Variants in OVOL2 observed in about 807,000 individuals in gnomAD.
The protein encoded by OVOL2 is transcription factor Ovo-like 2.
In OVOL2, 13 loss-of-function variants were observed where a neutral mutation model predicts 18.1. The ratio of observed to expected loss-of-function variants is 0.72; its 90% CI spans 0.47 to 1.14. The LOEUF is 1.14. OVOL2 is among the 50% of genes most tolerant of loss of function. The probability of loss-of-function intolerance (pLI) is 0.00; values close to 1 mark genes in which losing one functional copy is unlikely to be tolerated. For missense variants in OVOL2, 335 were observed against 383.0 expected (o/e 0.87, Z 1.05); for synonymous variants, 166 against 162.7 (o/e 1.02, Z -0.16).
At chr20:18,026,329 A>G (rs1288854417) in intron 3 of OVOL2, among the ~76,000 whole-genome samples, 2 of 151,904 alleles carry the variant, frequency 1.3e-5, no homozygotes, top group African/African-American at 4.8e-5. Flanking sequence ...GAAAATCTTA[A>G]CTCACTTCTC....
At chr20:18,041,479 G>A in intron 3 of OVOL2, 55 bp downstream of exon 3, 6 of 1,560,750 alleles carry the variant, frequency 3.8e-6, no homozygotes, top group Middle Eastern at 3.4e-4. Flanking sequence ...GAAAGAAACA[G>A]GAGCTCTTGG....
In OVOL2 at chr20:18,056,012, A is replaced by AC. The variant is rs149382083; in HGVS notation, c.321+644dup. 1.8e-3 allele frequency among the ~76,000 whole-genome samples: 281 copies of AC among 152,326 alleles called. 2 individuals are homozygous for AC. Among genetic ancestry groups the AC allele is most frequent in the African/African-American group, 6.4e-3 (265 of 41,580 alleles). ...TAGATGGGAGGAAACACTCCAATCCACTGGGGTAGGGGCGCTCGAGAAATC... is the reference window on the plus strand; with the variant it reads ...TAGATGGGAGGAAACACTCCAATCCACCTGGGGTAGGGGCGCTCGAGAAATC... On this transcript the variant is annotated intron_variant, in intron 2 of 3. Coordinates refer to ENST00000278780, the MANE Select transcript of OVOL2 (RefSeq NM_021220.4). The surrounding 1 kb of genome is among the most constrained non-coding windows in gnomAD (Gnocchi z 4.2).
chr20:18,024,906 C>G lies in OVOL2; in HGVS notation c.558G>C (p.Gln186His). ...KCNVCNKAFT[Q>H]RCSLESHLKK... ...TCAGGTGGGACTCCAGAGAGCAGCG[C>G]TGGGTGAAGGCTTTATTGCAGACGT... Residue 186 changes from glutamine to histidine, a missense_variant, in exon 4 of 4, where the codon CAG becomes CAC. Gln to His is a conservative substitution (Grantham distance 24). Transcript: ENST00000278780. 2.5e-6 allele frequency: 4 copies of G among 1,614,100 alleles called. No homozygotes were observed. Among genetic ancestry groups the G allele is most frequent in the Non-Finnish European group, 3.4e-6 (4 of 1,179,992 alleles).
intron 3 of OVOL2, among the ~76,000 whole-genome samples, chr20:18,036,727 C>T (rs958186838): frequency 5.9e-5 from 9 of 152,154 alleles, no homozygotes; most frequent in East Asian, 1.9e-4. Context: ...TGAACTCACA[C>T]GCTCACAGGC....
chr20:18,046,806 T>C (rs2036727196), intron 2 of OVOL2, among the ~76,000 whole-genome samples: 1 of 152,204 alleles, frequency 6.6e-6, no homozygotes, highest in African/African-American at 2.4e-5. Context: ...CACCTAACAC[T>C]GTACCTCCTA....
intron 3 of OVOL2, among the ~76,000 whole-genome samples, chr20:18,032,306 G>GGAGA (rs900981884): frequency 8.9e-5 from 12 of 134,950 alleles, no homozygotes; most frequent in African/African-American, 2.9e-4. Flanking sequence ...AAGGAAGGAA[G>GGAGA]GAGAGAGAGA....
chr20:18,024,990 A>G lies in OVOL2; in HGVS notation c.512-38T>C, dbSNP rs780634292. 1.9e-6 allele frequency: 3 copies of G among 1,580,402 alleles called. No individual in the cohort carries two copies. The Admixed American group carries it at 5.1e-5, about 27-fold the overall frequency. ...GGGACAGACACAGCATCGGTTGGTC[A>G]TGGCCAAGCCAGAACCACCCAACTA... On this transcript the variant is annotated intron_variant, in intron 3 of 3. Coordinates refer to ENST00000278780, the MANE Select transcript of OVOL2 (RefSeq NM_021220.4).
intron 3 of OVOL2, among the ~76,000 whole-genome samples, chr20:18,028,936 G>T (rs2036543408): frequency 6.6e-6 from 1 of 151,972 alleles, no homozygotes; most frequent in Non-Finnish European, 1.5e-5. Context: ...AGATCCCTTT[G>T]TCACCCCATG....
At position 18,041,726 on chromosome 20, in the gene OVOL2, G is replaced by A; in HGVS notation, c.322-3C>T. 2.5e-6 allele frequency: 4 copies of A among 1,608,894 alleles called. No homozygotes were observed. The highest frequency in any genetic ancestry group is 3.4e-6 in the Non-Finnish European group (4 of 1,176,542). On this transcript the variant is annotated splice_polypyrimidine_tract_variant and splice_region_variant and intron_variant, in intron 2 of 3. Transcript: ENST00000278780. ...TCGCTGCACGTGCCTGTGGTGAACT[G>A]GGGGCAGAGAGAGGCCATGAGGGTC...
chr20:18,036,482 A>G (rs2036615958), intron 3 of OVOL2, among the ~76,000 whole-genome samples: 2 of 152,188 alleles, frequency 1.3e-5, no homozygotes, highest in South Asian at 4.1e-4. Context: ...TTTCACTCCT[A>G]GCTGCCTCCT....
intron 2 of OVOL2, among the ~76,000 whole-genome samples, chr20:18,043,048 A>C (rs1310141113): frequency 6.6e-6 from 1 of 152,214 alleles, no homozygotes; most frequent in African/African-American, 2.4e-5. Context: ...GGCCAATGAA[A>C]TAGAAATCTC....
chr20:18,037,785 G>A (rs2036630452), intron 3 of OVOL2, among the ~76,000 whole-genome samples: 1 of 152,132 alleles, frequency 6.6e-6, no homozygotes, highest in South Asian at 2.1e-4. Flanking sequence ...TTGAGCCTCC[G>A]CTGCCCGTAG....
At chr20:18,042,786 A>G (rs953185782) in intron 2 of OVOL2, among the ~76,000 whole-genome samples, 6 of 150,706 alleles carry the variant, frequency 4.0e-5, no homozygotes, top group South Asian at 4.2e-4. Flanking sequence ...AAAAAAAAAA[A>G]AAAAAAAAGA....
At chr20:18,051,065 CA>C (rs2036767569) in intron 2 of OVOL2, among the ~76,000 whole-genome samples, 1 of 152,016 alleles carries the variant, frequency 6.6e-6, no homozygotes, top group African/African-American at 2.4e-5. Flanking sequence ...CCATAATTCA[CA>C]ACAAAATGAA....
At chr20:18,032,667 CAG>C (rs2036582445) in intron 3 of OVOL2, among the ~76,000 whole-genome samples, 1 of 150,462 alleles carries the variant, frequency 6.6e-6, no homozygotes, top group South Asian at 2.1e-4. Flanking sequence ...CCACCATGCC[CAG>C]CTAATTTTTG....
intron 3 of OVOL2, among the ~76,000 whole-genome samples, chr20:18,035,847 T>C (rs2036610951): frequency 6.6e-6 from 1 of 152,194 alleles, no homozygotes; most frequent in African/African-American, 2.4e-5. Flanking sequence ...TGCCATCCAA[T>C]AGAAATTAAA....
rs757364559 is a variant in OVOL2 at position 18,024,768 on chromosome 20, G to A, written c.696C>T (p.His232=). 1.2e-5 allele frequency: 20 copies of A among 1,614,086 alleles called. No homozygotes were observed. Among genetic ancestry groups the A allele is most frequent in the East Asian group, 6.7e-5 (3 of 44,902 alleles). The change falls in exon 4 of 4, where the codon CAC becomes CAT. Residue 232 remains histidine, a synonymous_variant. Coordinates refer to ENST00000278780, the MANE Select transcript of OVOL2 (RefSeq NM_021220.4). ...TGPTQEDLYL[H]VNSAHPGSSF... is the part of the protein sequence containing the mutation. ...AGCTGCCCGGATGGGCACTGTTCAC[G>A]TGCAGGTACAGGTCCTCCTGGGTGG...
At chr20:18,044,492 A>G (rs1363367151) in intron 2 of OVOL2, among the ~76,000 whole-genome samples, 2 of 152,180 alleles carry the variant, frequency 1.3e-5, no homozygotes, top group African/African-American at 4.8e-5. Context: ...ACAAGACCCC[A>G]GAACAGGGTA....
chr20:18,053,748 A>G (rs1325843297), intron 2 of OVOL2, among the ~76,000 whole-genome samples: 2 of 150,420 alleles, frequency 1.3e-5, no homozygotes, highest in Non-Finnish European at 2.9e-5. Flanking sequence ...TTTCCTTCTT[A>G]CATCATCCAG....
Sources: allele counts gnomAD v4.1 joint callset (sites outside exome capture counted in the v4.1 genomes callset), GRCh38; gene constraint gnomAD v4.1.1; non-coding constraint Gnocchi (gnomAD v3.1); transcripts MANE v1.5; gene names NCBI Gene and HGNC (gene_info 2026-07-23, HGNC 2026-07-21).